Variants in CHCHD3 observed in about 807,000 individuals in gnomAD.
CHCHD3 encodes MICOS complex subunit MIC19.
Under a neutral mutation model 38.2 loss-of-function variants are expected in CHCHD3, and 20 were observed. That is an observed-to-expected ratio of 0.52 (90% confidence interval 0.37 to 0.76). The LOEUF is 0.76. Ranked by LOEUF, CHCHD3 falls within the 30% of genes least tolerant of loss-of-function variation. CHCHD3 has a pLI of 0.00. For synonymous variants in CHCHD3, 82 were observed against 100.0 expected (o/e 0.82, Z 1.07); for missense variants, 245 against 279.2 (o/e 0.88, Z 0.87).
At chr7:133,050,036 G>T (rs1814106623) in intron 2 of CHCHD3, among the ~76,000 whole-genome samples, 1 of 152,068 alleles carries the variant, frequency 6.6e-6, no homozygotes, top group Admixed American at 6.6e-5. Context: ...GATCAAGAAG[G>T]CAGTAGCATC....
chr7:132,963,484 T>C (rs919171984), intron 4 of CHCHD3, among the ~76,000 whole-genome samples: 6 of 151,622 alleles, frequency 4.0e-5, no homozygotes, highest in Non-Finnish European at 7.4e-5. Flanking sequence ...ACAAAAAAAT[T>C]AGCCAGGCAT....
chr7:132,795,307 G>A (rs562502635), intron 7 of CHCHD3, among the ~76,000 whole-genome samples: 172 of 152,164 alleles, frequency 1.1e-3, no homozygotes, highest in African/African-American at 3.9e-3. Context: ...AGCTGTTTTC[G>A]ACAAATAAAA....
At chr7:132,806,181 G>A (rs1009801849) in intron 6 of CHCHD3, among the ~76,000 whole-genome samples, 4 of 152,186 alleles carry the variant, frequency 2.6e-5, no homozygotes, top group Non-Finnish European at 4.4e-5. Flanking sequence ...AGAGTTTCAC[G>A]ACAGAGAAGA....
chr7:132,851,528 C>T (rs1808219548), intron 5 of CHCHD3, among the ~76,000 whole-genome samples: 2 of 152,192 alleles, frequency 1.3e-5, no homozygotes, highest in African/African-American at 4.8e-5. Flanking sequence ...TTTTGGACTT[C>T]TATATTACAC....
intron 4 of CHCHD3, among the ~76,000 whole-genome samples, chr7:132,891,346 T>G (rs1449921324): frequency 6.6e-6 from 1 of 152,226 alleles, no homozygotes; most frequent in Non-Finnish European, 1.5e-5. Context: ...CAATGACTAT[T>G]TGGAGGCATA....
chr7:132,945,350 G>T (rs1416527806), intron 4 of CHCHD3, among the ~76,000 whole-genome samples: 3 of 151,892 alleles, frequency 2.0e-5, no homozygotes, highest in Non-Finnish European at 4.4e-5. Flanking sequence ...TGGTATTCCA[G>T]AACTTTATTT....
chr7:133,016,531 T>C (rs1246834414), intron 3 of CHCHD3, among the ~76,000 whole-genome samples: 1 of 152,252 alleles, frequency 6.6e-6, no homozygotes, highest in Non-Finnish European at 1.5e-5. Context: ...GGGCTACTCC[T>C]GTTTAACAGT....
rs568006382 is a variant in CHCHD3, at chr7:132,892,839, C to G, written c.370-7094G>C. On this transcript the variant is annotated intron_variant, in intron 4 of 7. Transcript: ENST00000262570. ...ATGTGATGTTGGGCCTGCAGGCGCA[C>G]AGAAGTCAAGAATTGAGGTTTGCGA... Among the ~76,000 whole-genome samples the G allele has an allele frequency of 2.0e-5, 3 of 152,338 alleles. No homozygotes were observed. The East Asian group carries it at 5.8e-4, about 29-fold the overall frequency.
intron 4 of CHCHD3, among the ~76,000 whole-genome samples, chr7:132,963,333 T>C (rs2117310566): frequency 7.1e-6 from 1 of 140,186 alleles, no homozygotes; most frequent in Non-Finnish European, 1.6e-5. Context: ...TTTTTTTTTT[T>C]TTTTTTTTTT....
At position 133,038,456 on chromosome 7, in the gene CHCHD3, T is replaced by C. The variant is rs569238401; in HGVS notation, c.170-13829A>G. Among the ~76,000 whole-genome samples the C allele has an allele frequency of 3.3e-5, 5 of 152,326 alleles. No individual in the cohort carries two copies. In the South Asian group the frequency reaches 6.2e-4, roughly 19 times the overall value. On this transcript the variant is annotated intron_variant, in intron 2 of 7. Transcript: ENST00000262570. The stretch of plus-strand genomic sequence containing the variant: ...CTCCAAAAGGATATTCATGGCCATA[T>C]TGAATACAGGTAGAAAAGAGAGGAA...
chr7:132,879,062 T>C (rs969724477), intron 5 of CHCHD3, among the ~76,000 whole-genome samples: 1 of 152,140 alleles, frequency 6.6e-6, no homozygotes, highest in African/African-American at 2.4e-5. Flanking sequence ...ATCTTCAATA[T>C]AGTAAGCACA....
Position 132,928,293 on chromosome 7 carries a change from A to G in CHCHD3, c.370-42548T>C, listed in dbSNP as rs533292402. On this transcript the variant is annotated intron_variant, in intron 4 of 7. Transcript: ENST00000262570. ...CCAATTAACTTAGGGAAGCAATATC[A>G]ATATCTGATTAGCAATGAAGATGCA... is the stretch of plus-strand genomic sequence containing the variant. Among the ~76,000 whole-genome samples, 9 of 152,340 alleles carry G rather than the reference A, an allele frequency of 5.9e-5. No homozygotes were observed. In the South Asian group the frequency reaches 1.9e-3, roughly 32 times the overall value.
chr7:132,826,570 C>T (rs1418891062), intron 6 of CHCHD3, among the ~76,000 whole-genome samples: 2 of 152,110 alleles, frequency 1.3e-5, no homozygotes, highest in Non-Finnish European at 2.9e-5. Context: ...TAACTATTGG[C>T]CACTGAATGG....
chr7:132,962,744 A>G (rs116899079), intron 4 of CHCHD3, among the ~76,000 whole-genome samples: 1,594 of 152,302 alleles, frequency 0.01, 12 homozygotes, highest in South Asian at 0.066. Context: ...TCTGAATGAA[A>G]TTCTTCACCT....
At chr7:133,045,648 T>C (rs1401067891) in intron 2 of CHCHD3, among the ~76,000 whole-genome samples, 2 of 152,176 alleles carry the variant, frequency 1.3e-5, no homozygotes, top group African/African-American at 4.8e-5. Context: ...ATTTTTACCC[T>C]CCAGGATCTC....
intron 5 of CHCHD3, among the ~76,000 whole-genome samples, chr7:132,880,862 G>A (rs531744337): frequency 1.2e-4 from 18 of 152,204 alleles, no homozygotes; most frequent in African/African-American, 2.6e-4. Flanking sequence ...AGACTACTTC[G>A]TAGAAACACT....
chr7:132,785,444 A>G lies in CHCHD3; in HGVS notation c.*193T>C. On this transcript the variant is annotated 3_prime_UTR_variant, in exon 8 of 8. Coordinates refer to ENST00000262570, the MANE Select transcript of CHCHD3 (RefSeq NM_017812.4). The stretch of plus-strand genomic sequence containing the variant: ...AGTGTCCTTTAATGACTGATCCCTG[A>G]TCAAGGCTTTGGCCCTTCAAACTGC... 1.6e-6 allele frequency: 1 copy of G among 630,908 alleles called. No homozygotes were observed. Among genetic ancestry groups the G allele is most frequent in the Non-Finnish European group, 2.9e-6 (1 of 350,826 alleles). 39.1% of individuals were successfully genotyped at this position (630,908 alleles called of 1,614,324 possible).
chr7:133,023,964 A>G (rs1466116723), intron 3 of CHCHD3, among the ~76,000 whole-genome samples: 1 of 152,208 alleles, frequency 6.6e-6, no homozygotes, highest in Non-Finnish European at 1.5e-5. Context: ...TAGTATTAAT[A>G]ATGGCAACAA....
At chr7:132,879,695 A>G (rs973744408) in intron 5 of CHCHD3, among the ~76,000 whole-genome samples, 25 of 139,174 alleles carry the variant, frequency 1.8e-4, no homozygotes, top group Admixed American at 1.6e-4. Context: ...TGAAATAACT[A>G]TCAGAACACT....
Sources: gnomAD v4.1 joint callset for allele counts (sites outside exome capture counted in the v4.1 genomes callset) on GRCh38, gnomAD v4.1.1 for gene constraint, MANE v1.5 for transcripts, NCBI Gene and HGNC (gene_info 2026-07-23, HGNC 2026-07-21) for gene names.